RHOU: variants seen among roughly 807,000 people sequenced by gnomAD.
RHOU encodes rho-related GTP-binding protein RhoU.
A neutral mutation model predicts 12.6 loss-of-function variants in RHOU; 8 were observed. The observed-to-expected ratio is 0.64, with a 90% confidence interval of 0.37 to 1.15. The LOEUF (loss-of-function observed/expected upper bound fraction) is 1.15, where lower values mean the gene tolerates loss of function less well. Among genes scored for constraint, RHOU ranks in the 50% most tolerant of loss-of-function variants. The pLI is 0.01. For missense variants in RHOU, 258 were observed against 347.0 expected (o/e 0.74, Z 2.04); for synonymous variants, 161 against 147.4 (o/e 1.09, Z -0.67).
At chr1:228,653,269 C>T in the RHOU span, among the ~76,000 whole-genome samples, 113 of 152,272 alleles carry the variant, frequency 7.4e-4, 1 homozygote, top group East Asian at 0.018. Flanking sequence ...GATTCTCATG[C>T]CTCAGCCTTA....
the RHOU span, among the ~76,000 whole-genome samples, chr1:228,684,762 G>A: frequency 6.6e-6 from 1 of 152,286 alleles, no homozygotes; most frequent in East Asian, 1.9e-4. Flanking sequence ...GAGGGAGAAG[G>A]AACCACAAGG....
the RHOU span, among the ~76,000 whole-genome samples, chr1:228,724,719 T>C: frequency 6.6e-6 from 1 of 152,240 alleles, no homozygotes; most frequent in African/African-American, 2.4e-5. Flanking sequence ...CCAAAACTTA[T>C]TCCTCCTGCC....
the RHOU span, among the ~76,000 whole-genome samples, chr1:228,664,517 G>T: frequency 2.0e-5 from 3 of 152,016 alleles, no homozygotes; most frequent in Non-Finnish European, 4.4e-5. Context: ...GTGGGACTTT[G>T]GGAAAAAACC....
the RHOU span, among the ~76,000 whole-genome samples, chr1:228,656,614 A>T: frequency 6.6e-6 from 1 of 152,236 alleles, no homozygotes; most frequent in African/African-American, 2.4e-5. Flanking sequence ...GTATAAATTC[A>T]AATTTGAGTG....
the RHOU span, among the ~76,000 whole-genome samples, chr1:228,677,527 C>T: frequency 6.6e-6 from 1 of 151,802 alleles, no homozygotes; most frequent in Admixed American, 6.6e-5. Flanking sequence ...GTGAGTAAGT[C>T]AGGGCCTCAG....
At chr1:228,647,149 G>T in the RHOU span, among the ~76,000 whole-genome samples, 1 of 149,844 alleles carries the variant, frequency 6.7e-6, no homozygotes, top group Admixed American at 6.6e-5. Context: ...TTTGAGCTGT[G>T]CCTGAGCAGG....
At chr1:228,653,968 C>A in the RHOU span, among the ~76,000 whole-genome samples, 6 of 152,128 alleles carry the variant, frequency 3.9e-5, no homozygotes, top group East Asian at 1.9e-4. Context: ...TAGAATATAG[C>A]CCTGTGCATT....
the RHOU span, chr1:228,687,334 G>A: frequency 1.4e-6 from 1 of 723,514 alleles, no homozygotes. Context: ...TTATTTGAAG[G>A]AATGGTACAA....
chr1:228,743,076 C>G lies in RHOU; in HGVS notation c.322-209C>G, dbSNP rs559251517. 1.1e-4 allele frequency among the ~76,000 whole-genome samples: 17 copies of G among 152,118 alleles called. No homozygotes were observed. Among genetic ancestry groups the G allele is most frequent in the Non-Finnish European group, 2.2e-4 (15 of 68,026 alleles). ...TGGCAGTGTTCAGACCATAGCTGGC[C>G]CTGAAAGCAGATGGCTGCCACACCT... On this transcript the variant is annotated intron_variant, in intron 2 of 2. Transcript: ENST00000366691. The surrounding 1 kb of genome is among the most constrained non-coding windows in gnomAD (Gnocchi z 5.1).
the RHOU span, among the ~76,000 whole-genome samples, chr1:228,696,547 T>C: frequency 6.6e-6 from 1 of 151,646 alleles, no homozygotes. Context: ...CTTTTAGATA[T>C]CTTTCTTTTT....
the RHOU span, among the ~76,000 whole-genome samples, chr1:228,729,187 C>T: frequency 3.8e-4 from 58 of 152,218 alleles, no homozygotes; most frequent in African/African-American, 1.2e-3. Flanking sequence ...AGCCACCGTG[C>T]CTGGCCAAGT....
chr1:228,707,126 A>AT, the RHOU span, among the ~76,000 whole-genome samples: 1 of 75,374 alleles, frequency 1.3e-5, no homozygotes, highest in African/African-American at 1.5e-4. Flanking sequence ...ATATATATAT[A>AT]CATATATATA....
At chr1:228,685,360 G>A in the RHOU span, among the ~76,000 whole-genome samples, 33 of 152,208 alleles carry the variant, frequency 2.2e-4, no homozygotes, top group Middle Eastern at 3.2e-3. Flanking sequence ...AGTTGCTCTG[G>A]TTCCAATGCC....
At chr1:228,723,890 G>T in the RHOU span, among the ~76,000 whole-genome samples, 2 of 152,052 alleles carry the variant, frequency 1.3e-5, no homozygotes, top group Non-Finnish European at 2.9e-5. Flanking sequence ...TCTCCAACAC[G>T]GAGACAGTCA....
the RHOU span, among the ~76,000 whole-genome samples, chr1:228,681,515 G>T: frequency 1.3e-5 from 2 of 152,080 alleles, no homozygotes; most frequent in Non-Finnish European, 1.5e-5. Context: ...GGGATGAGTC[G>T]CATTGGGAAC....
At chr1:228,653,641 A>T in the RHOU span, among the ~76,000 whole-genome samples, 1 of 152,102 alleles carries the variant, frequency 6.6e-6, no homozygotes. Flanking sequence ...TTTTTAGTAG[A>T]GATGGGGTTT....
At chr1:228,706,929 T>A in the RHOU span, among the ~76,000 whole-genome samples, 12 of 151,444 alleles carry the variant, frequency 7.9e-5, 1 homozygote, top group African/African-American at 2.9e-4. Flanking sequence ...ATCTGTACAA[T>A]CTGTTATTTC....
the RHOU span, among the ~76,000 whole-genome samples, chr1:228,663,450 T>C: frequency 3.3e-5 from 5 of 152,024 alleles, no homozygotes; most frequent in African/African-American, 9.7e-5. Flanking sequence ...TCTCAACTCA[T>C]AGGAAAGCAA....
rs1210291323 is a variant in RHOU, at chr1:228,745,224, A to G, written c.*1484A>G. ...CTTCTGGAGAAAAAGGTGCCATCTCAGGAGAATAGCTTTTACTCTGGTAGG... is the reference window on the plus strand; with the variant it reads ...CTTCTGGAGAAAAAGGTGCCATCTCGGGAGAATAGCTTTTACTCTGGTAGG... On this transcript the variant is annotated 3_prime_UTR_variant, in exon 3 of 3. Transcript: ENST00000366691. 1 of 152,204 alleles carries G rather than the reference A, an allele frequency of 6.6e-6. No homozygotes were observed. Among genetic ancestry groups the G allele is most frequent in the African/African-American group, 2.4e-5 (1 of 41,450 alleles). The allele number at this position is 152,204 out of a possible 1,614,324, so 9.4% of individuals were successfully genotyped here. A position where few individuals can be genotyped will look rare whatever the true frequency, so the allele number is the denominator to read the frequency against.
Sources: gnomAD v4.1 joint callset for allele counts (sites outside exome capture counted in the v4.1 genomes callset) on GRCh38, gnomAD v4.1.1 for gene constraint, Gnocchi (gnomAD v3.1) non-coding constraint, MANE v1.5 for transcripts, NCBI Gene and HGNC (gene_info 2026-07-23, HGNC 2026-07-21) for gene names.